GRIN3A: variants seen among roughly 807,000 people sequenced by gnomAD.
GRIN3A encodes glutamate receptor ionotropic, NMDA 3A.
Under a neutral mutation model 92.4 loss-of-function variants are expected in GRIN3A, and 47 were observed. The ratio of observed to expected loss-of-function variants is 0.51; its 90% CI spans 0.40 to 0.65. GRIN3A has a LOEUF of 0.65. Ranked by LOEUF, GRIN3A falls within the 30% of genes least tolerant of loss-of-function variation. The pLI is 0.00. For synonymous variants in GRIN3A, 527 were observed against 540.6 expected (o/e 0.97, Z 0.35); for missense variants, 1,324 against 1,393.1 (o/e 0.95, Z 0.79).
At chr9:101,690,348 G>T (rs959275345) in intron 1 of GRIN3A, among the ~76,000 whole-genome samples, 93 of 152,250 alleles carry the variant, frequency 6.1e-4, no homozygotes, top group Middle Eastern at 3.4e-3. Context: ...TTCTAGTGGA[G>T]ATGAAACTCC....
At chr9:101,704,542 G>C (rs1829790335) in intron 1 of GRIN3A, among the ~76,000 whole-genome samples, 3 of 152,056 alleles carry the variant, frequency 2.0e-5, no homozygotes, top group Admixed American at 2.0e-4. Flanking sequence ...TTCGAATTTT[G>C]AATTTTGATC....
At chr9:101,689,536 A>C (rs1829586059) in intron 1 of GRIN3A, among the ~76,000 whole-genome samples, 1 of 152,164 alleles carries the variant, frequency 6.6e-6, no homozygotes, top group Non-Finnish European at 1.5e-5. Flanking sequence ...CCCTACAAAC[A>C]ATTCTACTGA....
chr9:101,728,033 A>G (rs1830099740), intron 1 of GRIN3A, among the ~76,000 whole-genome samples: 1 of 150,572 alleles, frequency 6.6e-6, no homozygotes, highest in African/African-American at 2.4e-5. Context: ...ATTTGCTCCC[A>G]TTATTACATT....
intron 6 of GRIN3A, among the ~76,000 whole-genome samples, chr9:101,605,501 T>G (rs1282994388): frequency 6.6e-6 from 1 of 152,232 alleles, no homozygotes; most frequent in Non-Finnish European, 1.5e-5. Context: ...ACTTCCATTT[T>G]TGAAACTACC....
In GRIN3A at chr9:101,617,413, A is replaced by G. The variant is rs181363927; in HGVS notation, c.2615-3886T>C. ...AGAATAGAATTTTGGCACTACAACAAAAGTGTTAAGATTCCCTAATGAAAA... is the reference window on the plus strand; with the variant it reads ...AGAATAGAATTTTGGCACTACAACAGAAGTGTTAAGATTCCCTAATGAAAA... On this transcript the variant is annotated intron_variant, in intron 5 of 8. Coordinates refer to ENST00000361820, the MANE Select transcript of GRIN3A (RefSeq NM_133445.3). 2.2e-3 allele frequency among the ~76,000 whole-genome samples: 331 copies of G among 152,112 alleles called. 2 individuals carry two copies. The highest frequency in any genetic ancestry group is 3.7e-3 in the Non-Finnish European group (250 of 67,992).
chr9:101,639,119 C>T (rs1332715828), intron 3 of GRIN3A, among the ~76,000 whole-genome samples: 1 of 152,108 alleles, frequency 6.6e-6, no homozygotes, highest in Non-Finnish European at 1.5e-5. Flanking sequence ...GCTCTTCAGC[C>T]TATGTTGTTG....
chr9:101,592,274 A>G (rs1301583568), intron 6 of GRIN3A: 2 of 152,184 alleles, frequency 1.3e-5, no homozygotes, highest in African/African-American at 2.4e-5. Flanking sequence ...TGTAGCTAAG[A>G]ACTAAGTAAG....
intron 6 of GRIN3A, among the ~76,000 whole-genome samples, chr9:101,611,546 T>C (rs377255462): frequency 1.4e-4 from 21 of 152,198 alleles, no homozygotes; most frequent in African/African-American, 5.1e-4. Context: ...TCACACCCGA[T>C]GTATGCTTTT....
chr9:101,584,075 C>A lies in GRIN3A; in HGVS notation c.2767-4715G>T, dbSNP rs572537381. Among the ~76,000 whole-genome samples, 9 of 152,240 alleles carry A rather than the reference C, an allele frequency of 5.9e-5. No homozygotes were observed. In the South Asian group the frequency reaches 1.9e-3, roughly 32 times the overall value. ...TTTCACCATATTAGCCAGGCTTGAA[C>A]TCTCCACCTTAGGTAATCTGCCCGC... On this transcript the variant is annotated intron_variant, in intron 6 of 8. Transcript: ENST00000361820.
chr9:101,654,284 CAT>C (rs35779314), intron 3 of GRIN3A, among the ~76,000 whole-genome samples: 70,791 of 150,536 alleles, frequency 0.47, 16,845 homozygotes, highest in Middle Eastern at 0.53. Context: ...TACACATGCA[CAT>C]ATATATATAC....
chr9:101,577,942 C>T (rs1827846775), intron 7 of GRIN3A, 98 bp from the exon 8 acceptor site: 1 of 869,050 alleles, frequency 1.2e-6, no homozygotes, highest in African/African-American at 1.6e-5. Flanking sequence ...GTAGTCGTTA[C>T]AAACCTTGGC....
chr9:101,731,756 G>T (rs1456353063), intron 1 of GRIN3A, among the ~76,000 whole-genome samples: 1 of 152,176 alleles, frequency 6.6e-6, no homozygotes. Flanking sequence ...TTTGGCTGAG[G>T]TGTCAGGTTG....
intron 3 of GRIN3A, among the ~76,000 whole-genome samples, chr9:101,634,469 T>A (rs1202896408): frequency 6.6e-6 from 1 of 151,256 alleles, no homozygotes; most frequent in Non-Finnish European, 1.5e-5. Context: ...TAATATTTTA[T>A]AATATTTATT....
chr9:101,731,819 C>G (rs1054838723), intron 1 of GRIN3A, among the ~76,000 whole-genome samples: 6 of 152,146 alleles, frequency 3.9e-5, no homozygotes, highest in African/African-American at 1.4e-4. Context: ...TCACCTCTTC[C>G]CCATTGCTCT....
chr9:101,606,595 T>C lies in GRIN3A; in HGVS notation c.2766+6781A>G, dbSNP rs562895627. On this transcript the variant is annotated intron_variant, in intron 6 of 8. Coordinates refer to ENST00000361820, the MANE Select transcript of GRIN3A (RefSeq NM_133445.3). ...TAACTGGTTTCCTTAAATCATACTT[T>C]TGCAAACAGTTTCTTTAAAATTCTC... Among the ~76,000 whole-genome samples the C allele has an allele frequency of 5.2e-4, 79 of 152,292 alleles. No homozygotes were observed. In the South Asian group the frequency reaches 0.014, roughly 28 times the overall value.
intron 1 of GRIN3A, among the ~76,000 whole-genome samples, chr9:101,714,525 T>G (rs542660406): frequency 6.6e-6 from 1 of 152,298 alleles, no homozygotes; most frequent in Non-Finnish European, 1.5e-5. Flanking sequence ...ACAGCTCCTC[T>G]TTTATTCCTA....
chr9:101,682,784 CATCCTGGCT>C (rs1323156626), intron 2 of GRIN3A, among the ~76,000 whole-genome samples: 1 of 152,170 alleles, frequency 6.6e-6, no homozygotes, highest in Non-Finnish European at 1.5e-5. Flanking sequence ...AGATCGAGAC[CATCCTGGCT>C]AACACGGTGA....
At chr9:101,688,643 C>T (rs1282684606) in intron 1 of GRIN3A, among the ~76,000 whole-genome samples, 3 of 152,002 alleles carry the variant, frequency 2.0e-5, no homozygotes, top group African/African-American at 7.3e-5. Context: ...AAGGATTGGC[C>T]AGGCACGGTG....
intron 6 of GRIN3A, among the ~76,000 whole-genome samples, chr9:101,598,157 C>T (rs1186675453): frequency 6.6e-6 from 1 of 152,002 alleles, no homozygotes; most frequent in Non-Finnish European, 1.5e-5. Flanking sequence ...TTTATATTAA[C>T]CCAATATATC....
Sources: allele counts gnomAD v4.1 joint callset (sites outside exome capture counted in the v4.1 genomes callset), GRCh38; gene constraint gnomAD v4.1.1; transcripts MANE v1.5; gene names NCBI Gene and HGNC (gene_info 2026-07-23, HGNC 2026-07-21).